Variants in ASIC1 observed in about 807,000 individuals in gnomAD.
The protein encoded by ASIC1 is acid-sensing ion channel 1.
Under a neutral mutation model 63.4 loss-of-function variants are expected in ASIC1, and 21 were observed. That is an observed-to-expected ratio of 0.33 (90% CI 0.23 to 0.48). The LOEUF is 0.48. Among genes scored for constraint, ASIC1 ranks in the 20% least tolerant of loss-of-function variants. The probability of loss-of-function intolerance (pLI) is 0.99; values close to 1 mark genes in which losing one functional copy is unlikely to be tolerated. For missense variants in ASIC1, 478 were observed against 695.5 expected, an observed-to-expected ratio of 0.69 and a Z score of 3.52; for synonymous variants, 258 against 278.2, an observed-to-expected ratio of 0.93 and a Z score of 0.72.
chr12:50,071,942 AGAG>A (rs1367156765), intron 3 of ASIC1, among the ~76,000 whole-genome samples: 1 of 152,058 alleles, frequency 6.6e-6, no homozygotes, highest in Non-Finnish European at 1.5e-5. Context: ...AGTGGCAGAA[AGAG>A]GAGGACAGTG....
chr12:50,081,284 C>T lies in ASIC1; in HGVS notation c.1402C>T (p.Arg468Ter). ...GGTCATTAAGCACAAGCTGTGCCGACGAGGAAAATGCCAGAAGGAGGCCAA... is the reference window on the plus strand; with the variant it reads ...GGTCATTAAGCACAAGCTGTGCCGATGAGGAAAATGCCAGAAGGAGGCCAA... ...YEVIKHKLCR[R>*]GKCQKEAKRS... Residue 468 changes from arginine (R) to a stop codon, truncating the protein, a stop_gained, in exon 11 of 12, where the codon CGA becomes TGA. Transcript: ENST00000447966. LOFTEE classifies it high-confidence loss of function. 6.2e-7 allele frequency: 1 copy of T among 1,610,060 alleles called. No individual in the cohort carries two copies.
Position 50,080,542 on chromosome 12 carries a change from A to G in ASIC1, c.1250A>G (p.Tyr417Cys). 1.2e-6 allele frequency: 2 copies of G among 1,614,162 alleles called. No homozygotes were observed. The highest frequency in any genetic ancestry group is 8.5e-7 in the Non-Finnish European group (1 of 1,180,012). The change falls in exon 9 of 12, where the codon TAT (tyrosine) becomes TGT (cysteine). Residue 417 changes from tyrosine (Y) to cysteine (C), a missense_variant. Around this residue, in one of 3 missense-constraint regions of ASIC1, gnomAD observed 84 missense variants for 183.5 expected, o/e 0.46. Coordinates refer to ENST00000447966, the MANE Select transcript of ASIC1 (RefSeq NM_001095.4). ...VLDIFFEVLNYETIEQKKAYE... is the reference protein window; with the variant it reads ...VLDIFFEVLNCETIEQKKAYE... Reference sequence around the variant, plus strand: ...GACATTTTCTTTGAAGTCCTCAACTATGAGACCATTGAACAGAAGAAGGCC... The same window carrying G: ...GACATTTTCTTTGAAGTCCTCAACTGTGAGACCATTGAACAGAAGAAGGCC...
chr12:50,078,853 C>T lies in ASIC1; in HGVS notation c.995-71C>T, dbSNP rs1950685765. ...CTTCTCCCAGCTTACACCTTCTAGG[C>T]CTTTGGTACTACCACCATCACCAGA... On this transcript the variant is annotated intron_variant, in intron 6 of 11. Coordinates refer to ENST00000447966, the MANE Select transcript of ASIC1 (RefSeq NM_001095.4). The surrounding 1 kb of genome is among the most constrained non-coding windows in gnomAD (Gnocchi z 6.0). 1 of 1,532,492 alleles carries T rather than the reference C, an allele frequency of 6.5e-7. No individual in the cohort carries two copies. Among genetic ancestry groups the T allele is most frequent in the Non-Finnish European group, 9.0e-7 (1 of 1,106,116 alleles). 94.9% of individuals were successfully genotyped at this position (1,532,492 alleles called of 1,614,324 possible). A position where few individuals can be genotyped will look rare whatever the true frequency, so the allele number is the denominator to read the frequency against.
intron 9 of ASIC1, 146 bp downstream of exon 9, chr12:50,080,735 G>A: frequency 6.2e-7 from 1 of 1,608,244 alleles, no homozygotes; most frequent in Non-Finnish European, 8.5e-7. Context: ...TTGGTAAGTG[G>A]TGAGGGAAGG....
rs368761955 is a variant in ASIC1 at position 50,058,803 on chromosome 12, G to A, written c.37G>A (p.Val13Ile). The A allele has an allele frequency of 6.1e-5, 97 of 1,597,944 alleles. No homozygotes were observed. Among genetic ancestry groups the A allele is most frequent in the Non-Finnish European group, 6.8e-5 (80 of 1,168,844 alleles). The change falls in exon 2 of 12, where the codon GTC becomes ATC. Residue 13 changes from valine to isoleucine, a missense_variant. By Grantham distance (29) the Val-to-Ile change is conservative. Transcript: ENST00000447966. Reference sequence around the variant, plus strand: ...GGCCGAGGAGGAGGAGGTGGGTGGCGTCCAGCCGGTGAGCATCCAGGCCTT... The same window carrying A: ...GGCCGAGGAGGAGGAGGTGGGTGGCATCCAGCCGGTGAGCATCCAGGCCTT... Reference protein sequence around the residue: ...LKAEEEEVGGVQPVSIQAFAS... With the variant: ...LKAEEEEVGGIQPVSIQAFAS...
intron 3 of ASIC1, among the ~76,000 whole-genome samples, chr12:50,071,267 T>C (rs998993937): frequency 1.6e-5 from 1 of 61,690 alleles, no homozygotes; most frequent in East Asian, 3.0e-4. Context: ...TGCTTTCAGC[T>C]TTTTTTTTTT....
At chr12:50,068,863 C>T (rs1242549511) in intron 3 of ASIC1, among the ~76,000 whole-genome samples, 2 of 152,088 alleles carry the variant, frequency 1.3e-5, no homozygotes, top group African/African-American at 4.8e-5. Flanking sequence ...CATCCCACCA[C>T]TGCATGTCTC....
chr12:50,077,287 G>T lies in ASIC1; in HGVS notation c.633G>T (p.Lys211Asn), dbSNP rs1418323102. The T allele has an allele frequency of 6.2e-7, 1 of 1,614,070 alleles. No individual in the cohort carries two copies. The highest frequency in any genetic ancestry group is 8.5e-7 in the Non-Finnish European group (1 of 1,180,030). Reference protein sequence around the residue: ...RDGRPRLKTMKGGTGNGLEIM... With the variant: ...RDGRPRLKTMNGGTGNGLEIM... The stretch of plus-strand genomic sequence containing the variant: ...GGCGGCCGCGGCTGAAGACCATGAA[G>T]GGTGGGACGGGCAATGGGCTGGAAA... Residue 211 changes from lysine (K) to asparagine (N), a missense_variant, in exon 4 of 12, where the codon AAG (lysine) becomes AAT (asparagine). Around this residue, in one of 3 missense-constraint regions of ASIC1, gnomAD observed 290 missense variants for 414.9 expected, o/e 0.70. Transcript: ENST00000447966.
Position 50,078,948 on chromosome 12 carries a change from A to G in ASIC1, c.1019A>G (p.Glu340Gly). ...MPGDAPYCTP[E>G]QYKECADPAL... is the part of the protein sequence containing the mutation. ...GGGGATGCCCCATACTGTACTCCAG[A>G]GCAGTACAAGGAGTGTGCAGATCCT... is the stretch of plus-strand genomic sequence containing the variant. Residue 340 changes from glutamate to glycine, a missense_variant, in exon 7 of 12, where the codon GAG becomes GGG. Transcript: ENST00000447966. The surrounding 1 kb of genome is among the most constrained non-coding windows in gnomAD (Gnocchi z 6.0). 2 of 1,613,926 alleles carry G rather than the reference A, an allele frequency of 1.2e-6. No homozygotes were observed. The highest frequency in any genetic ancestry group is 1.7e-6 in the Non-Finnish European group (2 of 1,179,930).
At chr12:50,058,286 G>A (rs1225656148) in intron 1 of ASIC1, among the ~76,000 whole-genome samples, 1 of 152,198 alleles carries the variant, frequency 6.6e-6, no homozygotes, top group East Asian at 1.9e-4. Flanking sequence ...TCTGGCCCCA[G>A]TTTAGCCCTT....
chr12:50,060,194 AAC>A (rs1252887549), intron 3 of ASIC1, among the ~76,000 whole-genome samples: 1 of 152,224 alleles, frequency 6.6e-6, no homozygotes, highest in African/African-American at 2.4e-5. Flanking sequence ...TACAGTGCAC[AAC>A]ACACACATAT....
At chr12:50,080,442 A>G in intron 8 of ASIC1, 56 bp from the exon 9 acceptor site, 2 of 1,541,214 alleles carry the variant, frequency 1.3e-6, no homozygotes, top group Admixed American at 3.5e-5. Context: ...TCACCTGGTT[A>G]GTAAGAGATA....
chr12:50,062,665 C>G (rs1302632828), intron 3 of ASIC1, among the ~76,000 whole-genome samples: 2 of 152,194 alleles, frequency 1.3e-5, no homozygotes, highest in Non-Finnish European at 2.9e-5. Context: ...TAAGGGCAAC[C>G]CTCTTCTCAA....
intron 1 of ASIC1, among the ~76,000 whole-genome samples, chr12:50,058,433 G>T (rs975999706): frequency 6.6e-6 from 1 of 152,204 alleles, no homozygotes; most frequent in African/African-American, 2.4e-5. Flanking sequence ...CATCTGGAGG[G>T]AACTCCTGCG....
At chr12:50,072,618 C>G (rs1950610969) in intron 3 of ASIC1, among the ~76,000 whole-genome samples, 1 of 152,174 alleles carries the variant, frequency 6.6e-6, no homozygotes, top group Admixed American at 6.5e-5. Context: ...CCAGAGAATT[C>G]CTCGAACAAA....
In ASIC1 at chr12:50,074,024, C is replaced by G. The variant is rs1950627591; in HGVS notation, c.559-3189C>G. 1.3e-6 allele frequency: 2 copies of G among 1,534,514 alleles called. No homozygotes were observed. The highest frequency in any genetic ancestry group is 3.9e-5 in the Admixed American group (2 of 50,898). ...TGCAACACTAATGCTGTGCGGCTGT[C>G]CCAGCTCAGCTACCCTGACTTGCTT... is the stretch of plus-strand genomic sequence containing the variant. On this transcript the variant is annotated intron_variant, in intron 3 of 11. Coordinates refer to ENST00000447966, the MANE Select transcript of ASIC1 (RefSeq NM_001095.4). The surrounding 1 kb of genome is among the most constrained non-coding windows in gnomAD (Gnocchi z 4.2).
Position 50,080,696 on chromosome 12 carries a change from C to T in ASIC1, c.1297+107C>T, listed in dbSNP as rs761559610. ...TTCTGTCCCATGAGGGTCCTCCACC[C>T]CAGAGGCCCTTCCCCAAACCCTGTT... is the stretch of plus-strand genomic sequence containing the variant. On this transcript the variant is annotated intron_variant, in intron 9 of 11. Coordinates refer to ENST00000447966, the MANE Select transcript of ASIC1 (RefSeq NM_001095.4). The T allele has an allele frequency of 8.7e-6, 14 of 1,614,012 alleles. No homozygotes were observed. In the South Asian group the frequency reaches 1.5e-4, roughly 18 times the overall value.
rs755002033 is a variant in ASIC1, at chr12:50,081,187, C to T, written c.1377+6C>T. On this transcript the variant is annotated splice_donor_region_variant and intron_variant, in intron 10 of 11. Coordinates refer to ENST00000447966, the MANE Select transcript of ASIC1 (RefSeq NM_001095.4). ...TCTTTGACTACGCCTACGAGGTAAG[C>T]GGGGGCGAGGCCCGGCACGGGGCCA... 7.5e-6 allele frequency: 12 copies of T among 1,610,198 alleles called. No homozygotes were observed. Among genetic ancestry groups the T allele is most frequent in the East Asian group, 2.2e-5 (1 of 44,746 alleles).
Position 50,067,472 on chromosome 12 carries a change from C to T in ASIC1, c.558+7518C>T, listed in dbSNP as rs527373755. ...TTGCTCAGGCTGGAGTGCAGTGGCA[C>T]CATCTCAGCTCACTGCAACCTCCGC... is the stretch of plus-strand genomic sequence containing the variant. On this transcript the variant is annotated intron_variant, in intron 3 of 11. Transcript: ENST00000447966. Among the ~76,000 whole-genome samples, 179 of 151,240 alleles carry T rather than the reference C, an allele frequency of 1.2e-3. 1 individual carries two copies. Among genetic ancestry groups the T allele is most frequent in the African/African-American group, 3.5e-3 (145 of 41,236 alleles).
Sources: allele counts gnomAD v4.1 joint callset (sites outside exome capture counted in the v4.1 genomes callset), GRCh38; gene constraint gnomAD v4.1.1; regional missense constraint gnomAD v4.1.1; non-coding constraint Gnocchi (gnomAD v3.1); transcripts MANE v1.5; gene names NCBI Gene and HGNC (gene_info 2026-07-23, HGNC 2026-07-21).